Variants in CHODL observed in about 807,000 individuals in gnomAD.
CHODL encodes the protein chondrolectin.
Under a neutral mutation model 34.5 loss-of-function variants are expected in CHODL, and 29 were observed. The observed-to-expected ratio is 0.84, with a 90% CI of 0.63 to 1.15. The LOEUF (loss-of-function observed/expected upper bound fraction) is 1.15. Among genes scored for constraint, CHODL ranks in the 50% most tolerant of loss-of-function variants. CHODL has a pLI of 0.00. For synonymous variants in CHODL, 125 were observed against 116.1 expected (o/e 1.08, Z -0.49); for missense variants, 332 against 332.5 (o/e 1.00, Z 0.01).
chr21:18,107,328 C>T (rs1289802767), intron 2 of CHODL, among the ~76,000 whole-genome samples: 5 of 152,184 alleles, frequency 3.3e-5, no homozygotes, highest in African/African-American at 9.7e-5. Context: ...AGCAGTCTGG[C>T]TGAACTTTTT....
intron 1 of CHODL, among the ~76,000 whole-genome samples, chr21:17,963,095 A>C (rs185925578): frequency 6.8e-6 from 1 of 146,308 alleles, no homozygotes; most frequent in Non-Finnish European, 1.5e-5. Flanking sequence ...TAATAATAAT[A>C]ACTTCCTTCA....
chr21:18,099,672 G>T (rs1430131431), intron 2 of CHODL, among the ~76,000 whole-genome samples: 3 of 152,016 alleles, frequency 2.0e-5, no homozygotes, highest in Admixed American at 1.3e-4. Context: ...AATTCTAACG[G>T]AAAACAGTTT....
chr21:18,215,476 A>T (rs567223521), intron 2 of CHODL, among the ~76,000 whole-genome samples: 4 of 152,330 alleles, frequency 2.6e-5, no homozygotes, highest in African/African-American at 9.6e-5. Context: ...GAATCCCTTC[A>T]TTCAGCCTTC....
chr21:17,923,402 TAAC>T (rs1259822514), intron 1 of CHODL, among the ~76,000 whole-genome samples: 1 of 58,570 alleles, frequency 1.7e-5, no homozygotes, highest in African/African-American at 5.2e-5. Context: ...AAAAAGATGT[TAAC>T]AACTTTCCCA....
intron 2 of CHODL, among the ~76,000 whole-genome samples, chr21:18,169,554 C>G (rs182689827): frequency 6.6e-6 from 1 of 151,948 alleles, no homozygotes. Context: ...CCACATGATT[C>G]AAAATACAAC....
intron 4 of CHODL, among the ~76,000 whole-genome samples, chr21:18,262,196 G>C (rs1180294163): frequency 6.6e-6 from 1 of 152,074 alleles, no homozygotes; most frequent in East Asian, 1.9e-4. Context: ...CTACAGATCA[G>C]TACAATTCAA....
At chr21:18,083,432 C>CACA (rs2064966142) in intron 2 of CHODL, among the ~76,000 whole-genome samples, 3 of 152,322 alleles carry the variant, frequency 2.0e-5, no homozygotes, top group Non-Finnish European at 4.4e-5. Flanking sequence ...GGCACACTGC[C>CACA]TAGTGGAGCT....
intron 2 of CHODL, among the ~76,000 whole-genome samples, chr21:18,118,638 C>T (rs1366646892): frequency 2.0e-5 from 3 of 152,106 alleles, no homozygotes; most frequent in Non-Finnish European, 4.4e-5. Context: ...ATGGGACTGA[C>T]AATTCTATTC....
intron 1 of CHODL, among the ~76,000 whole-genome samples, chr21:17,983,751 A>T (rs1038004735): frequency 6.6e-6 from 1 of 152,136 alleles, no homozygotes; most frequent in Admixed American, 6.6e-5. Flanking sequence ...ATCTCTATTG[A>T]GGTATAATTG....
At chr21:18,173,868 T>A (rs545509899) in intron 2 of CHODL, among the ~76,000 whole-genome samples, 27 of 150,470 alleles carry the variant, frequency 1.8e-4, no homozygotes, top group African/African-American at 6.6e-4. Context: ...AAGGCTAAAT[T>A]AAAAAAAAAT....
At chr21:18,228,686 CCTT>C (rs1410048073) in intron 2 of CHODL, among the ~76,000 whole-genome samples, 4 of 152,088 alleles carry the variant, frequency 2.6e-5, no homozygotes, top group Non-Finnish European at 5.9e-5. Flanking sequence ...GCCCTGACTC[CCTT>C]CTTTCATTTA....
At chr21:18,004,065 G>T (rs2063936853) in intron 1 of CHODL, among the ~76,000 whole-genome samples, 1 of 152,162 alleles carries the variant, frequency 6.6e-6, no homozygotes, top group African/African-American at 2.4e-5. Flanking sequence ...GGCCTATTTT[G>T]TCTTCAAAGT....
At chr21:18,179,757 T>C (rs766538491) in intron 2 of CHODL, among the ~76,000 whole-genome samples, 1 of 152,222 alleles carries the variant, frequency 6.6e-6, no homozygotes, top group Admixed American at 6.5e-5. Context: ...TTTAGATATA[T>C]ATTTATGAAT....
intron 2 of CHODL, among the ~76,000 whole-genome samples, chr21:18,228,728 T>C (rs1419085195): frequency 6.6e-6 from 1 of 152,184 alleles, no homozygotes; most frequent in African/African-American, 2.4e-5. Flanking sequence ...CAATTTTCTC[T>C]TCTTAGTTTT....
chr21:18,052,344 A>T (rs1344560915), intron 2 of CHODL, among the ~76,000 whole-genome samples: 1 of 151,892 alleles, frequency 6.6e-6, no homozygotes, highest in East Asian at 1.9e-4. Context: ...TGACCTATAC[A>T]GGTGAAATGT....
At chr21:17,930,811 C>T (rs1240281350) in intron 1 of CHODL, among the ~76,000 whole-genome samples, 1 of 152,178 alleles carries the variant, frequency 6.6e-6, no homozygotes, top group African/African-American at 2.4e-5. Flanking sequence ...AGAACCATTC[C>T]CCCTCTCTCT....
chr21:18,130,999 G>T (rs998204304), intron 2 of CHODL, among the ~76,000 whole-genome samples: 2 of 152,080 alleles, frequency 1.3e-5, no homozygotes, highest in Non-Finnish European at 2.9e-5. Flanking sequence ...AATTCTGGAG[G>T]CTGGAAGTCT....
At position 18,135,783 on chromosome 21, in the gene CHODL, T is replaced by C. The variant is rs2072714714; in HGVS notation, c.-45+107812T>C. On this transcript the variant is annotated intron_variant, in intron 2 of 6. Transcript: ENST00000400127. ...TACCCAAGCCATGGTAGTTGTTCAATATAAGTGTTTTCTGAGTGAATGTAT... is the reference window on the plus strand; with the variant it reads ...TACCCAAGCCATGGTAGTTGTTCAACATAAGTGTTTTCTGAGTGAATGTAT... 2.0e-5 allele frequency among the ~76,000 whole-genome samples: 3 copies of C among 152,236 alleles called. No homozygotes were observed. In the South Asian group the frequency reaches 6.2e-4, roughly 32 times the overall value.
At chr21:18,002,847 G>A (rs111478655) in intron 1 of CHODL, among the ~76,000 whole-genome samples, 2 of 152,302 alleles carry the variant, frequency 1.3e-5, no homozygotes, top group African/African-American at 4.8e-5. Context: ...AGCCCGGCCG[G>A]GCGCTGTGGC....
Sources: allele counts gnomAD v4.1 joint callset (sites outside exome capture counted in the v4.1 genomes callset), GRCh38; gene constraint gnomAD v4.1.1; transcripts MANE v1.5; gene names NCBI Gene and HGNC (gene_info 2026-07-23, HGNC 2026-07-21).